SMPX: variants seen among roughly 807,000 people sequenced by gnomAD.
SMPX encodes the protein small muscular protein.
Under a neutral mutation model 6.3 loss-of-function variants are expected in SMPX, and 2 were observed. That is an observed-to-expected ratio of 0.32 (90% CI 0.13 to 0.99). The LOEUF is 0.99. SMPX is among the 50% of genes least tolerant of loss of function. SMPX has a pLI of 0.49. For missense variants in SMPX, 60 were observed against 66.8 expected (o/e 0.90, Z 0.36); for synonymous variants, 32 against 24.7 (o/e 1.30, Z -0.88).
At chrX:21,706,541 C>T (rs2092773150) in intron 4 of SMPX, 147 bp from the exon 5 acceptor site, 2 of 216,728 alleles carry the variant, frequency 9.2e-6, no homozygotes, top group Admixed American at 1.3e-4. Context: ...ATTAAGTCAA[C>T]ATAATTAGCA....
At chrX:21,745,210 C>T (rs182868915) in intron 2 of SMPX, among the ~76,000 whole-genome samples, 36 of 111,901 alleles carry the variant, frequency 3.2e-4, no homozygotes, top group African/African-American at 8.8e-4. Context: ...CAGTATGTAC[C>T]GCATATGTTA....
At chrX:21,756,561 C>T in intron 1 of SMPX, among the ~76,000 whole-genome samples, 2 of 112,614 alleles carry the variant, frequency 1.8e-5, no homozygotes, top group Middle Eastern at 4.6e-3. Context: ...AGCAGCGGTT[C>T]CTGCTGTCCT....
At chrX:21,723,830 C>G (rs1426525699) in intron 4 of SMPX, among the ~76,000 whole-genome samples, 1 of 112,076 alleles carries the variant, frequency 8.9e-6, no homozygotes, top group East Asian at 2.8e-4. Context: ...AATCTGGACT[C>G]AGTTATGAAG....
intron 3 of SMPX, among the ~76,000 whole-genome samples, chrX:21,741,665 G>C (rs1367240498): frequency 9.0e-6 from 1 of 111,186 alleles, no homozygotes; most frequent in Non-Finnish European, 1.9e-5. Context: ...TGCTTTTATG[G>C]TAAAGAAATA....
At chrX:21,721,795 C>T (rs775235808) in intron 4 of SMPX, among the ~76,000 whole-genome samples, 2 of 112,404 alleles carry the variant, frequency 1.8e-5, no homozygotes, top group Non-Finnish European at 1.9e-5. Flanking sequence ...CACCCAAAGC[C>T]CAAGGCTGGA....
intron 3 of SMPX, among the ~76,000 whole-genome samples, chrX:21,738,807 G>A (rs2092813270): frequency 9.0e-6 from 1 of 110,987 alleles, no homozygotes; most frequent in African/African-American, 3.3e-5. Flanking sequence ...GACTTCACCT[G>A]GAGAACTTGC....
At chrX:21,732,971 C>T (rs1394254376) in intron 4 of SMPX, among the ~76,000 whole-genome samples, 1 of 111,488 alleles carries the variant, frequency 9.0e-6, no homozygotes, top group Admixed American at 9.5e-5. Context: ...CACCAAAACC[C>T]AACAATACTG....
intron 3 of SMPX, among the ~76,000 whole-genome samples, chrX:21,742,247 C>CCTTTT (rs2092816882): frequency 1.8e-5 from 2 of 111,917 alleles, no homozygotes; most frequent in African/African-American, 3.3e-5. Context: ...AGAAGAATTC[C>CCTTTT]ACCGCCGTCC....
chrX:21,731,462 GTA>G (rs1356637654), intron 4 of SMPX, among the ~76,000 whole-genome samples: 1 of 84,786 alleles, frequency 1.2e-5, no homozygotes, highest in Non-Finnish European at 2.4e-5. Context: ...CATAATGTGT[GTA>G]TGTGTACACA....
At chrX:21,757,515 G>A (rs1333409840) in intron 1 of SMPX, among the ~76,000 whole-genome samples, 1 of 111,872 alleles carries the variant, frequency 8.9e-6, no homozygotes, top group Admixed American at 9.5e-5. Context: ...AACTTGTACT[G>A]TATAAAAACT....
chrX:21,734,073 G>C (rs971580503), intron 4 of SMPX, among the ~76,000 whole-genome samples: 1 of 112,104 alleles, frequency 8.9e-6, no homozygotes, highest in African/African-American at 3.2e-5. Flanking sequence ...TAATTAAGCT[G>C]CTATCTAATT....
chrX:21,708,404 TGTA>T (rs2092775226), intron 4 of SMPX, among the ~76,000 whole-genome samples: 1 of 112,557 alleles, frequency 8.9e-6, no homozygotes, highest in Admixed American at 9.4e-5. Context: ...TTCTCTTTCT[TGTA>T]TATTTCTTTA....
intron 3 of SMPX, among the ~76,000 whole-genome samples, chrX:21,740,404 C>G (rs2092814776): frequency 8.9e-6 from 1 of 112,234 alleles, no homozygotes; most frequent in Non-Finnish European, 1.9e-5. Flanking sequence ...GCAGCATTCT[C>G]AGTTTCAGGA....
intron 4 of SMPX, among the ~76,000 whole-genome samples, chrX:21,720,616 T>C (rs774245097): frequency 9.8e-5 from 11 of 112,757 alleles, no homozygotes; most frequent in Non-Finnish European, 1.9e-4. Context: ...ATGGAAACCA[T>C]GAAAAGTTCG....
At chrX:21,718,513 C>A (rs1391575903) in intron 4 of SMPX, among the ~76,000 whole-genome samples, 1 of 112,085 alleles carries the variant, frequency 8.9e-6, no homozygotes, top group Non-Finnish European at 1.9e-5. Flanking sequence ...AGACAACCTG[C>A]AAGTGACCAC....
chrX:21,723,837 G>T (rs1416610775), intron 4 of SMPX, among the ~76,000 whole-genome samples: 1 of 112,324 alleles, frequency 8.9e-6, no homozygotes. Flanking sequence ...ACTCAGTTAT[G>T]AAGGGATGGC....
chrX:21,719,006 A>T (rs547214905), intron 4 of SMPX, among the ~76,000 whole-genome samples: 1 of 112,327 alleles, frequency 8.9e-6, no homozygotes, highest in South Asian at 3.7e-4. Context: ...TGCACTTTAA[A>T]ACGTGTGTGT....
chrX:21,750,080 T>C (rs182647059), intron 2 of SMPX, among the ~76,000 whole-genome samples: 1 of 111,661 alleles, frequency 9.0e-6, no homozygotes, highest in African/African-American at 3.3e-5. Flanking sequence ...CCAAAGTGGG[T>C]GTGTTCAGGA....
At chrX:21,710,181 T>C (rs969446226) in intron 4 of SMPX, among the ~76,000 whole-genome samples, 1 of 111,657 alleles carries the variant, frequency 9.0e-6, no homozygotes, top group South Asian at 3.7e-4. Flanking sequence ...AATGAATGGA[T>C]AAAGAAAATG....
Sources: allele counts gnomAD v4.1 joint callset (sites outside exome capture counted in the v4.1 genomes callset), GRCh38; gene constraint gnomAD v4.1.1; transcripts MANE v1.5; gene names NCBI Gene and HGNC (gene_info 2026-07-23, HGNC 2026-07-21).